FLVCR2: variants seen among roughly 807,000 people sequenced by gnomAD.
The protein encoded by FLVCR2 is choline/ethanolamine transporter FLVCR2.
A neutral mutation model predicts 48.9 loss-of-function variants in FLVCR2; 38 were observed. The observed-to-expected ratio is 0.78, with a 90% CI of 0.60 to 1.02. The LOEUF (loss-of-function observed/expected upper bound fraction) is 1.02. Ranked by LOEUF, FLVCR2 falls within the 50% of genes least tolerant of loss-of-function variation. The pLI is 0.00. For missense variants in FLVCR2, 664 were observed against 663.3 expected (o/e 1.00, Z -0.01); for synonymous variants, 255 against 257.0 (o/e 0.99, Z 0.07).
At chr14:75,611,607 G>A (rs568892532) in intron 1 of FLVCR2, among the ~76,000 whole-genome samples, 3 of 151,642 alleles carry the variant, frequency 2.0e-5, no homozygotes, top group East Asian at 3.9e-4. Context: ...TGTGTTGGGC[G>A]CATGTCTGTG....
intron 9 of FLVCR2, among the ~76,000 whole-genome samples, chr14:75,645,078 CAGAG>C (rs1411919161): frequency 6.9e-5 from 7 of 101,392 alleles, no homozygotes; most frequent in African/African-American, 2.8e-4. Flanking sequence ...GTGTGTGTGT[CAGAG>C]AGAGAGGGGA....
At chr14:75,615,890 G>T (rs1377724203) in intron 1 of FLVCR2, among the ~76,000 whole-genome samples, 2 of 151,074 alleles carry the variant, frequency 1.3e-5, no homozygotes, top group Non-Finnish European at 3.0e-5. Context: ...AGCCAGATGT[G>T]GTGGCGGGAA....
At chr14:75,597,908 C>G (rs978924056) in intron 1 of FLVCR2, among the ~76,000 whole-genome samples, 1 of 151,872 alleles carries the variant, frequency 6.6e-6, no homozygotes, top group Admixed American at 6.6e-5. Flanking sequence ...AAATAAGGCT[C>G]GTGATCAGAC....
intron 1 of FLVCR2, among the ~76,000 whole-genome samples, chr14:75,592,083 A>G (rs1425991196): frequency 6.6e-6 from 1 of 151,700 alleles, no homozygotes; most frequent in African/African-American, 2.4e-5. Context: ...CACCCACCTC[A>G]TCCTCCTAAA....
intron 1 of FLVCR2, among the ~76,000 whole-genome samples, chr14:75,582,253 A>G (rs2140001580): frequency 6.6e-6 from 1 of 152,334 alleles, no homozygotes; most frequent in East Asian, 1.9e-4. Flanking sequence ...GGACCCTTGC[A>G]TAGTGAGGAA....
intron 1 of FLVCR2, chr14:75,605,634 G>C (rs1292291832): frequency 6.5e-7 from 1 of 1,535,578 alleles, no homozygotes; most frequent in Non-Finnish European, 8.7e-7. Context: ...GGTGAGGATA[G>C]ATCTTACTTC....
intron 5 of FLVCR2, among the ~76,000 whole-genome samples, chr14:75,637,881 G>A (rs1473592273): frequency 1.3e-5 from 2 of 152,062 alleles, no homozygotes; most frequent in African/African-American, 2.4e-5. Flanking sequence ...TGCAGGAGTC[G>A]GGGCTGCATC....
intron 1 of FLVCR2, among the ~76,000 whole-genome samples, chr14:75,609,876 G>GGA (rs1889394233): frequency 6.7e-6 from 1 of 149,552 alleles, no homozygotes; most frequent in Non-Finnish European, 1.5e-5. Context: ...TCAAAGGTCA[G>GGA]GGAGTGGCAC....
rs1890430497 is a variant in FLVCR2 at position 75,646,747 on chromosome 14, T to C, written c.*275T>C. The C allele has an allele frequency of 4.3e-6, 2 of 463,136 alleles. No homozygotes were observed. Among genetic ancestry groups the C allele is most frequent in the Non-Finnish European group, 8.1e-6 (2 of 248,030 alleles). 28.7% of individuals were successfully genotyped at this position (463,136 alleles called of 1,614,324 possible). The stretch of plus-strand genomic sequence containing the variant: ...GGTGTTGGGACAGGGTGGCAGAGAA[T>C]ATTGGAGTCAATCCTAGCTTGGTCT... On this transcript the variant is annotated 3_prime_UTR_variant, in exon 10 of 10. Coordinates refer to ENST00000238667, the MANE Select transcript of FLVCR2 (RefSeq NM_017791.3).
chr14:75,608,749 T>C (rs1347579581), intron 1 of FLVCR2, among the ~76,000 whole-genome samples: 1 of 152,184 alleles, frequency 6.6e-6, no homozygotes, highest in Non-Finnish European at 1.5e-5. Flanking sequence ...TCCAGAATTC[T>C]TATATCTCTC....
At chr14:75,584,965 G>C (rs1218749282) in intron 1 of FLVCR2, among the ~76,000 whole-genome samples, 1 of 152,176 alleles carries the variant, frequency 6.6e-6, no homozygotes, top group East Asian at 1.9e-4. Flanking sequence ...GCAGGTGGGG[G>C]AGGGCTAGTC....
At chr14:75,634,799 C>A in intron 4 of FLVCR2, 111 bp from the exon 5 acceptor site, 1 of 729,546 alleles carries the variant, frequency 1.4e-6, no homozygotes. Context: ...TGAATATTGA[C>A]TCTGATGGAG....
At chr14:75,616,370 G>A (rs189720428) in intron 1 of FLVCR2, among the ~76,000 whole-genome samples, 2 of 151,998 alleles carry the variant, frequency 1.3e-5, no homozygotes, top group South Asian at 2.1e-4. Context: ...AAATAGCATA[G>A]CATGGGCATG....
intron 4 of FLVCR2, 57 bp from the exon 5 acceptor site, chr14:75,634,853 C>T: frequency 4.3e-6 from 5 of 1,170,178 alleles, no homozygotes; most frequent in Non-Finnish European, 3.8e-6. Flanking sequence ...GGTGACTGTG[C>T]TCTGTCCTGG....
chr14:75,579,249 T>C lies in FLVCR2; in HGVS notation c.277T>C (p.Cys93Arg), dbSNP rs767398242. Residue 93 changes from cysteine (C) to arginine (R), a missense_variant, in exon 1 of 10, where the codon TGC becomes CGC. Cys to Arg is a radical substitution (Grantham distance 180). Coordinates refer to ENST00000238667, the MANE Select transcript of FLVCR2 (RefSeq NM_017791.3). ...RRWAVVLVFS[C>R]YSMCNSFQWI... ...TTGGGCCGTGGTCCTGGTGTTTAGC[T>C]GCTACTCCATGTGCAACTCCTTTCA... is the stretch of plus-strand genomic sequence containing the variant. 1.4e-5 allele frequency: 22 copies of C among 1,614,104 alleles called. No individual in the cohort carries two copies. Among genetic ancestry groups the C allele is most frequent in the Non-Finnish European group, 1.9e-5 (22 of 1,180,054 alleles).
At chr14:75,590,511 A>G (rs1888855276) in intron 1 of FLVCR2, among the ~76,000 whole-genome samples, 1 of 152,168 alleles carries the variant, frequency 6.6e-6, no homozygotes, top group African/African-American at 2.4e-5. Flanking sequence ...CTGTGTCCCC[A>G]CCAAATCTCA....
chr14:75,636,337 G>T (rs1049721960), intron 5 of FLVCR2, among the ~76,000 whole-genome samples: 2 of 152,090 alleles, frequency 1.3e-5, no homozygotes, highest in African/African-American at 4.8e-5. Flanking sequence ...GCCTGGCTCG[G>T]CTTAATTACT....
In FLVCR2 at chr14:75,616,026, C is replaced by CAAAAAAAAAAAAAAAAA. The variant is rs10629813; in HGVS notation, c.670-6047_670-6031dup. On this transcript the variant is annotated intron_variant, in intron 1 of 9. Transcript: ENST00000238667. ...TGGGTGACAGAGTGAGACTCCATCT[C>CAAAAAAAAAAAAAAAAA]AAAAAAAAAAAAAAAAAAAAAATAG... 2.3e-4 allele frequency among the ~76,000 whole-genome samples: 6 copies of CAAAAAAAAAAAAAAAAA among 25,630 alleles called. 1 individual carries two copies. Among genetic ancestry groups the CAAAAAAAAAAAAAAAAA allele is most frequent in the South Asian group, 2.6e-3 (1 of 382 alleles). 16.8% of individuals were successfully genotyped at this position (25,630 alleles called of 152,430 possible). A position where few individuals can be genotyped will look rare whatever the true frequency, so the allele number is the denominator to read the frequency against.
intron 1 of FLVCR2, among the ~76,000 whole-genome samples, chr14:75,613,903 TAGTA>T (rs1242587525): frequency 6.6e-6 from 1 of 152,174 alleles, no homozygotes; most frequent in African/African-American, 2.4e-5. Context: ...CCCCTTTACA[TAGTA>T]ACACTTTCTC....
Sources: gnomAD v4.1 joint callset for allele counts (sites outside exome capture counted in the v4.1 genomes callset) on GRCh38, gnomAD v4.1.1 for gene constraint, MANE v1.5 for transcripts, NCBI Gene and HGNC (gene_info 2026-07-23, HGNC 2026-07-21) for gene names.